Variants in RHOT1 observed in about 807,000 individuals in gnomAD.
The protein encoded by RHOT1 is mitochondrial Rho GTPase 1.
RHOT1 carries 27 observed loss-of-function variants against 95.3 expected under a neutral mutation model. That is an observed-to-expected ratio of 0.28 (90% CI 0.21 to 0.39). RHOT1 has a LOEUF of 0.39. Among genes scored for constraint, RHOT1 ranks in the 10% least tolerant of loss-of-function variants. The pLI is 1.00. For missense variants in RHOT1, 578 were observed against 786.7 expected, an observed-to-expected ratio of 0.73 and a Z score of 3.17; for synonymous variants, 227 against 263.5, an observed-to-expected ratio of 0.86 and a Z score of 1.34.
At chr17:32,183,147 G>T (rs376383065) in intron 7 of RHOT1, 24 bp from the exon 8 acceptor site, 11 of 1,523,390 alleles carry the variant, frequency 7.2e-6, no homozygotes, top group Middle Eastern at 1.7e-4. Flanking sequence ...ATTGATTTCA[G>T]AGTGTAAAAT....
intron 1 of RHOT1, among the ~76,000 whole-genome samples, chr17:32,168,754 G>C (rs751582037): frequency 3.9e-5 from 6 of 151,952 alleles, no homozygotes; most frequent in Non-Finnish European, 8.8e-5. Context: ...TATGGCACAA[G>C]AAAGAGAAAG....
chr17:32,223,553 T>C (rs1044699611), intron 19 of RHOT1, among the ~76,000 whole-genome samples: 1 of 152,004 alleles, frequency 6.6e-6, no homozygotes, highest in African/African-American at 2.4e-5. Context: ...TAGCTGGGAT[T>C]ACAGGCACCC....
chr17:32,192,925 A>G (rs2036605915), intron 9 of RHOT1, among the ~76,000 whole-genome samples: 1 of 152,174 alleles, frequency 6.6e-6, no homozygotes, highest in African/African-American at 2.4e-5. Flanking sequence ...TCAGCCTCCC[A>G]AAGTGCTGGG....
In RHOT1 at chr17:32,204,084, G is replaced by T. The variant is rs2037521987; in HGVS notation, c.1416+111G>T. On this transcript the variant is annotated intron_variant, in intron 16 of 19. Transcript: ENST00000545287. ...ATGACTCTCTGTAGAACTTCTGTGT[G>T]ATTTTTTTTTTATTTAATTTTTTTT... The T allele has an allele frequency of 2.3e-5, 17 of 729,036 alleles. No homozygotes were observed. In the South Asian group the frequency reaches 3.2e-4, roughly 14 times the overall value. 45.2% of individuals were successfully genotyped at this position (729,036 alleles called of 1,614,324 possible). A position where few individuals can be genotyped will look rare whatever the true frequency, so the allele number is the denominator to read the frequency against.
rs763429170 is a variant in RHOT1 at position 32,192,345 on chromosome 17, T to G, written c.639+46T>G. 4 of 1,115,980 alleles carry G rather than the reference T, an allele frequency of 3.6e-6. No homozygotes were observed. In the African/African-American group the frequency reaches 6.4e-5, roughly 18 times the overall value. 69.1% of individuals were successfully genotyped at this position (1,115,980 alleles called of 1,614,324 possible). A position where few individuals can be genotyped will look rare whatever the true frequency, so the allele number is the denominator to read the frequency against. On this transcript the variant is annotated intron_variant, in intron 9 of 19. Coordinates refer to ENST00000545287, the MANE Select transcript of RHOT1 (RefSeq NM_001033566.3). ...ACATTTGCGTATCTTTTTTTTTTTTTTTTTTTTTGCTGAAAGCTGTAAAAT... is the reference window on the plus strand; with the variant it reads ...ACATTTGCGTATCTTTTTTTTTTTTGTTTTTTTTGCTGAAAGCTGTAAAAT...
At chr17:32,200,213 T>G (rs2037209757) in intron 13 of RHOT1, among the ~76,000 whole-genome samples, 1 of 152,130 alleles carries the variant, frequency 6.6e-6, no homozygotes, top group Admixed American at 6.6e-5. Context: ...CATTTTTGGG[T>G]TTTTTTCTAC....
intron 11 of RHOT1, among the ~76,000 whole-genome samples, chr17:32,197,792 C>T (rs1449549668): frequency 1.3e-5 from 2 of 152,020 alleles, no homozygotes; most frequent in Admixed American, 6.6e-5. Flanking sequence ...AGGCTGGTCT[C>T]GAACTCCTGA....
chr17:32,205,292 A>C (rs1271568896), intron 16 of RHOT1, among the ~76,000 whole-genome samples: 2 of 151,940 alleles, frequency 1.3e-5, no homozygotes, highest in African/African-American at 2.4e-5. Context: ...TTCCTGTGTT[A>C]GTTTGCTGAG....
chr17:32,170,962 C>T (rs1294808668), intron 1 of RHOT1, 81 bp from the exon 2 acceptor site: 1 of 822,026 alleles, frequency 1.2e-6, no homozygotes, highest in Non-Finnish European at 2.0e-6. Flanking sequence ...TAATGAGTAA[C>T]AGACTGCCTT....
chr17:32,172,917 A>G (rs1407727643), intron 2 of RHOT1: 2 of 152,226 alleles, frequency 1.3e-5, no homozygotes, highest in East Asian at 1.9e-4. Context: ...AATGTTGATA[A>G]CCTGTTGGTT....
intron 2 of RHOT1, among the ~76,000 whole-genome samples, chr17:32,172,457 C>G (rs1282202945): frequency 6.6e-6 from 1 of 152,098 alleles, no homozygotes; most frequent in Non-Finnish European, 1.5e-5. Flanking sequence ...TAGTTTTTCA[C>G]TTTTTTAGGG....
At chr17:32,220,355 C>T (rs761429624) in intron 19 of RHOT1, among the ~76,000 whole-genome samples, 19 of 152,192 alleles carry the variant, frequency 1.2e-4, no homozygotes, top group Non-Finnish European at 2.5e-4. Flanking sequence ...CAGAGCAAGA[C>T]GCTGTCTCTG....
At chr17:32,152,331 A>G (rs1427822738) in intron 1 of RHOT1, among the ~76,000 whole-genome samples, 1 of 152,240 alleles carries the variant, frequency 6.6e-6, no homozygotes, top group Non-Finnish European at 1.5e-5. Flanking sequence ...CAGACTAATG[A>G]GCAGAGCTGT....
chr17:32,179,137 C>CA (rs2142603180), intron 6 of RHOT1: 1 of 136,250 alleles, frequency 7.3e-6, no homozygotes, highest in Non-Finnish European at 1.5e-5. Context: ...CGCCTCTGCC[C>CA]GGCCGCCCCG....
chr17:32,153,709 T>TA (rs1214978139), intron 1 of RHOT1, among the ~76,000 whole-genome samples: 1 of 152,064 alleles, frequency 6.6e-6, no homozygotes, highest in East Asian at 1.9e-4. Context: ...AATGGAAAAG[T>TA]TCCTGGAAAT....
chr17:32,143,035 C>G (rs1051018116), intron 1 of RHOT1: 2 of 693,926 alleles, frequency 2.9e-6, no homozygotes, highest in South Asian at 3.0e-5. Context: ...CTCATCCCTC[C>G]GAAGCTTCTC....
chr17:32,184,492 A>AT (rs886537277), intron 8 of RHOT1, among the ~76,000 whole-genome samples: 17 of 147,498 alleles, frequency 1.2e-4, no homozygotes, highest in African/African-American at 3.7e-4. Flanking sequence ...TTTATTTTTT[A>AT]TTTTTTTTTA....
chr17:32,212,129 A>G (rs1355439356), intron 19 of RHOT1, among the ~76,000 whole-genome samples: 1 of 152,236 alleles, frequency 6.6e-6, no homozygotes, highest in African/African-American at 2.4e-5. Context: ...CAAGCTAAAT[A>G]TTCAATTTTG....
intron 19 of RHOT1, among the ~76,000 whole-genome samples, chr17:32,223,595 A>G (rs2038962839): frequency 6.6e-6 from 1 of 151,538 alleles, no homozygotes; most frequent in Non-Finnish European, 1.5e-5. Flanking sequence ...TTATATTTTT[A>G]GTAGAGACGG....
Sources: allele counts gnomAD v4.1 joint callset (sites outside exome capture counted in the v4.1 genomes callset), GRCh38; gene constraint gnomAD v4.1.1; transcripts MANE v1.5; gene names NCBI Gene and HGNC (gene_info 2026-07-23, HGNC 2026-07-21).